SLC29A4: variants seen among roughly 807,000 people sequenced by gnomAD.
The protein encoded by SLC29A4 is solute carrier family 29 member 4.
In SLC29A4, 36 loss-of-function variants were observed where a neutral mutation model predicts 43.9. The ratio of observed to expected loss-of-function variants is 0.82; its 90% CI spans 0.63 to 1.08. The LOEUF is 1.08. Ranked by LOEUF, SLC29A4 falls within the 50% of genes least tolerant of loss-of-function variation. SLC29A4 has a pLI of 0.00. For synonymous variants in SLC29A4, 491 were observed against 338.0 expected (o/e 1.45, Z -4.97); for missense variants, 869 against 755.3 (o/e 1.15, Z -1.77).
intron 2 of SLC29A4, among the ~76,000 whole-genome samples, 199 bp downstream of exon 2, chr7:5,288,184 C>T (rs1461256809): frequency 2.0e-5 from 3 of 152,156 alleles, no homozygotes; most frequent in Non-Finnish European, 4.4e-5. Flanking sequence ...CTGCATGTCC[C>T]TGCTGGGGGC....
At chr7:5,284,863 G>A (rs766396799) in intron 1 of SLC29A4, among the ~76,000 whole-genome samples, 4 of 152,230 alleles carry the variant, frequency 2.6e-5, no homozygotes, top group African/African-American at 4.8e-5. Flanking sequence ...CCTGGGTGGC[G>A]TGGCCTCCGG....
Position 5,300,671 on chromosome 7 carries a change from C to T in SLC29A4, c.1450+9C>T, listed in dbSNP as rs781163557. 22 of 1,604,606 alleles carry T rather than the reference C, an allele frequency of 1.4e-5. No homozygotes were observed. Among genetic ancestry groups the T allele is most frequent in the South Asian group, 4.4e-5 (4 of 90,754 alleles). The stretch of plus-strand genomic sequence containing the variant: ...GCAGCGGGAGCTGGCAGGTGAGGCC[C>T]GCGGGACGTGGGGGTGGGGGCGTCC... On this transcript the variant is annotated intron_variant, in intron 10 of 10. Transcript: ENST00000396872.
chr7:5,292,214 C>T (rs186075568), intron 5 of SLC29A4, among the ~76,000 whole-genome samples: 91 of 152,152 alleles, frequency 6.0e-4, no homozygotes, highest in African/African-American at 2.1e-3. Context: ...GGACTCAAGC[C>T]ATCCTCCCAC....
At chr7:5,301,157 G>A (rs1786132979) in intron 10 of SLC29A4, among the ~76,000 whole-genome samples, 1 of 152,128 alleles carries the variant, frequency 6.6e-6, no homozygotes, top group African/African-American at 2.4e-5. Flanking sequence ...CCAGCTACTC[G>A]GGAGGCTGAG....
intron 6 of SLC29A4, among the ~76,000 whole-genome samples, chr7:5,296,220 G>C (rs979616335): frequency 3.3e-5 from 5 of 151,960 alleles, no homozygotes; most frequent in Non-Finnish European, 7.4e-5. Context: ...CCACCTCTGC[G>C]CGCCCTCTGT....
chr7:5,296,269 C>T (rs1360231076), intron 6 of SLC29A4, among the ~76,000 whole-genome samples: 1 of 151,880 alleles, frequency 6.6e-6, no homozygotes, highest in Non-Finnish European at 1.5e-5. Flanking sequence ...CACGCACCAT[C>T]TTGTTGCATC....
chr7:5,291,393 GTGGGGCCTCTGTACCCCAAGTCA>G (rs1464733749), intron 4 of SLC29A4, among the ~76,000 whole-genome samples, 156 bp downstream of exon 4: 5 of 152,214 alleles, frequency 3.3e-5, no homozygotes, highest in African/African-American at 1.2e-4. Context: ...AGACACCGTG[GTGGGGCCTCTGTACCCCAAGTCA>G]TGTCCCTGGG....
chr7:5,287,727 A>G, intron 1 of SLC29A4, 82 bp from the exon 2 acceptor site: 1 of 1,383,614 alleles, frequency 7.2e-7, no homozygotes, highest in Non-Finnish European at 9.8e-7. Context: ...CACTCCAGGT[A>G]GAAGCTTTAT....
intron 9 of SLC29A4, among the ~76,000 whole-genome samples, chr7:5,300,039 G>A (rs1419454516): frequency 6.6e-6 from 1 of 152,058 alleles, no homozygotes; most frequent in African/African-American, 2.4e-5. Context: ...GTGACAGCAC[G>A]AGACTCTGTC....
intron 8 of SLC29A4, 31 bp from the exon 9 acceptor site, chr7:5,299,209 C>T: frequency 1.2e-6 from 2 of 1,601,204 alleles, no homozygotes; most frequent in Non-Finnish European, 1.7e-6. Context: ...CCCGTGGGCG[C>T]TGCCTCTGAC....
intron 4 of SLC29A4, among the ~76,000 whole-genome samples, 200 bp downstream of exon 4, chr7:5,291,437 G>A (rs187802559): frequency 6.6e-6 from 1 of 152,250 alleles, no homozygotes; most frequent in Non-Finnish European, 1.5e-5. Flanking sequence ...CCTTGCCCAA[G>A]CTCTTCCCCA....
intron 5 of SLC29A4, among the ~76,000 whole-genome samples, 185 bp downstream of exon 5, chr7:5,292,006 T>C (rs1401990471): frequency 6.6e-6 from 1 of 152,224 alleles, no homozygotes; most frequent in Non-Finnish European, 1.5e-5. Flanking sequence ...GTGTAGTGTG[T>C]CTGCAGTGTG....
intron 5 of SLC29A4, among the ~76,000 whole-genome samples, chr7:5,293,070 A>T (rs1272883432): frequency 6.7e-6 from 1 of 149,620 alleles, no homozygotes; most frequent in East Asian, 2.0e-4. Flanking sequence ...CTTTCCTTTA[A>T]TCCGGGACGG....
intron 10 of SLC29A4, among the ~76,000 whole-genome samples, chr7:5,300,975 C>T (rs1226647077): frequency 6.6e-6 from 1 of 152,158 alleles, no homozygotes; most frequent in Non-Finnish European, 1.5e-5. Context: ...GGAGGCAGCC[C>T]AGGCCGGGCA....
chr7:5,300,309 C>G, intron 9 of SLC29A4, 113 bp from the exon 10 acceptor site: 3 of 1,505,092 alleles, frequency 2.0e-6, no homozygotes, highest in Non-Finnish European at 2.7e-6. Context: ...GCAGGCTGAG[C>G]TGGACAGGCC....
intron 4 of SLC29A4, among the ~76,000 whole-genome samples, 193 bp from the exon 5 acceptor site, chr7:5,291,500 A>G (rs1239408513): frequency 6.6e-6 from 1 of 152,206 alleles, no homozygotes; most frequent in African/African-American, 2.4e-5. Flanking sequence ...ATCCAGCTTC[A>G]AGGCCCGGCT....
rs1216063543 is a variant in SLC29A4, at chr7:5,290,630, G to T, written c.170-102G>T. On this transcript the variant is annotated intron_variant, in intron 2 of 10. Coordinates refer to ENST00000396872, the MANE Select transcript of SLC29A4 (RefSeq NM_153247.4). ...GGAGCAGGGGTCACGGTGATGGACA[G>T]TGGCTATGGTGATGGCGGCCGGGGT... The T allele has an allele frequency of 1.7e-5, 25 of 1,459,378 alleles. No homozygotes were observed. In the East Asian group the frequency reaches 5.8e-4, roughly 34 times the overall value. 90.4% of individuals were successfully genotyped at this position (1,459,378 alleles called of 1,614,324 possible).
intron 9 of SLC29A4, among the ~76,000 whole-genome samples, chr7:5,299,691 C>T (rs1403685396): frequency 1.3e-5 from 2 of 152,202 alleles, no homozygotes; most frequent in Non-Finnish European, 2.9e-5. Context: ...ATCACAGGTC[C>T]CCTGGGGATG....
At chr7:5,297,691 G>T (rs1785809359) in intron 7 of SLC29A4, among the ~76,000 whole-genome samples, 1 of 152,298 alleles carries the variant, frequency 6.6e-6, no homozygotes, top group Admixed American at 6.5e-5. Context: ...CAGGGCTCAG[G>T]GATAACCCTG....
Sources: gnomAD v4.1 joint callset for allele counts (sites outside exome capture counted in the v4.1 genomes callset) on GRCh38, gnomAD v4.1.1 for gene constraint, MANE v1.5 for transcripts, NCBI Gene and HGNC (gene_info 2026-07-23, HGNC 2026-07-21) for gene names.